PHLPP1: variants seen among roughly 807,000 people sequenced by gnomAD.
PHLPP1 encodes PH domain and leucine rich repeat protein phosphatase 1.
A neutral mutation model predicts 117.2 loss-of-function variants in PHLPP1; 42 were observed. That is an observed-to-expected ratio of 0.36 (90% CI 0.28 to 0.46). PHLPP1 has a LOEUF of 0.46. PHLPP1 is among the 20% of genes least tolerant of loss of function. PHLPP1 has a pLI of 1.00. For synonymous variants in PHLPP1, 1,042 were observed against 970.7 expected, an observed-to-expected ratio of 1.07 and a Z score of -1.37; for missense variants, 2,084 against 2,241.9, an observed-to-expected ratio of 0.93 and a Z score of 1.42.
At chr18:62,821,548 C>CAAAAAAAAAAAAAAAAAAAA (rs1568127680) in intron 1 of PHLPP1, among the ~76,000 whole-genome samples, 4 of 29,326 alleles carry the variant, frequency 1.4e-4, no homozygotes, top group Non-Finnish European at 1.9e-4. Flanking sequence ...GACCCTTTAT[C>CAAAAAAAAAAAAAAAAAAAA]CAAAAAAAAA....
At chr18:62,887,768 C>T (rs750108958) in intron 4 of PHLPP1, among the ~76,000 whole-genome samples, 21 of 151,896 alleles carry the variant, frequency 1.4e-4, no homozygotes, top group Non-Finnish European at 2.8e-4. Context: ...GGTAGAGTCT[C>T]ACTGTATTGC....
rs532043373 is a variant in PHLPP1 at position 62,833,907 on chromosome 18, T to G, written c.1773+3676T>G. Among the ~76,000 whole-genome samples the G allele has an allele frequency of 4.6e-5, 7 of 152,348 alleles. No homozygotes were observed. In the South Asian group the frequency reaches 1.4e-3, roughly 32 times the overall value. On this transcript the variant is annotated intron_variant, in intron 2 of 16. Coordinates refer to ENST00000262719, the MANE Select transcript of PHLPP1 (RefSeq NM_194449.4). The stretch of plus-strand genomic sequence containing the variant: ...AAGTACCTTTTCTAAGACAGTAGTT[T>G]GCGAGTGGAGTTACTATGCTGAAGG...
At chr18:62,898,807 A>G (rs1054413378) in intron 6 of PHLPP1, among the ~76,000 whole-genome samples, 1 of 151,626 alleles carries the variant, frequency 6.6e-6, no homozygotes, top group Non-Finnish European at 1.5e-5. Context: ...TATTATTATT[A>G]TTATTATTTT....
chr18:62,913,368 A>G (rs911797895), intron 8 of PHLPP1, among the ~76,000 whole-genome samples: 1 of 152,230 alleles, frequency 6.6e-6, no homozygotes, highest in African/African-American at 2.4e-5. Context: ...TTATACAGAC[A>G]CTAAGCAGAA....
chr18:62,759,153 G>A (rs1038282553), intron 1 of PHLPP1, among the ~76,000 whole-genome samples: 7 of 152,270 alleles, frequency 4.6e-5, no homozygotes, highest in Admixed American at 2.6e-4. Context: ...GGTGGGATCC[G>A]TATCAAGGGT....
At chr18:62,888,117 G>A (rs71353367) in intron 4 of PHLPP1, among the ~76,000 whole-genome samples, 1 of 152,134 alleles carries the variant, frequency 6.6e-6, no homozygotes, top group Non-Finnish European at 1.5e-5. Context: ...ACTGTAGTTA[G>A]TACAATCATC....
intron 13 of PHLPP1, 130 bp from the exon 14 acceptor site, chr18:62,963,238 C>T (rs1910815631): frequency 1.6e-6 from 1 of 607,470 alleles, no homozygotes; most frequent in Non-Finnish European, 2.9e-6. Context: ...ATTTCAGACA[C>T]ATTAAACGCA....
chr18:62,874,069 A>G (rs1915974621), intron 4 of PHLPP1, among the ~76,000 whole-genome samples: 1 of 151,698 alleles, frequency 6.6e-6, no homozygotes, highest in Non-Finnish European at 1.5e-5. Flanking sequence ...CTGTAATCCC[A>G]GCTACTCGTG....
At chr18:62,893,306 A>G (rs1282115997) in intron 4 of PHLPP1, among the ~76,000 whole-genome samples, 1 of 152,176 alleles carries the variant, frequency 6.6e-6, no homozygotes, top group Non-Finnish European at 1.5e-5. Context: ...CGGCCTCCCA[A>G]AGTGCTGGGA....
At chr18:62,831,341 TC>T (rs1914751501) in intron 2 of PHLPP1, among the ~76,000 whole-genome samples, 1 of 142,220 alleles carries the variant, frequency 7.0e-6, no homozygotes, top group African/African-American at 2.9e-5. Context: ...TTTTTCTTTT[TC>T]TTTTTTTTTT....
intron 2 of PHLPP1, among the ~76,000 whole-genome samples, chr18:62,835,906 G>T (rs1339616971): frequency 2.0e-5 from 3 of 148,540 alleles, no homozygotes; most frequent in Non-Finnish European, 4.4e-5. Flanking sequence ...TCAGCCTCCT[G>T]AGTACCTGGG....
intron 10 of PHLPP1, among the ~76,000 whole-genome samples, chr18:62,929,584 G>A (rs1485305514): frequency 1.3e-5 from 2 of 152,124 alleles, no homozygotes; most frequent in African/African-American, 4.8e-5. Flanking sequence ...ATATATAAAT[G>A]TAGATTTGAG....
At chr18:62,811,254 A>G (rs915776758) in intron 1 of PHLPP1, among the ~76,000 whole-genome samples, 2 of 152,194 alleles carry the variant, frequency 1.3e-5, no homozygotes, top group African/African-American at 4.8e-5. Flanking sequence ...AATTCATGCT[A>G]TTTGACCTAG....
At chr18:62,822,698 A>C (rs970426627) in intron 1 of PHLPP1, among the ~76,000 whole-genome samples, 3 of 152,206 alleles carry the variant, frequency 2.0e-5, no homozygotes, top group African/African-American at 7.2e-5. Context: ...GAGATAAGCA[A>C]AATAAATAAA....
chr18:62,972,363 A>G (rs1428190562), intron 14 of PHLPP1, 151 bp from the exon 15 acceptor site: 1 of 603,388 alleles, frequency 1.7e-6, no homozygotes, highest in Non-Finnish European at 2.8e-6. Context: ...GCTGTTGGAA[A>G]TTAGCTGGAG....
chr18:62,799,952 G>T (rs922691754), intron 1 of PHLPP1, among the ~76,000 whole-genome samples: 1 of 152,172 alleles, frequency 6.6e-6, no homozygotes, highest in African/African-American at 2.4e-5. Context: ...GAACTGCAAG[G>T]TTTAGTGTAG....
intron 6 of PHLPP1, among the ~76,000 whole-genome samples, chr18:62,900,743 C>T (rs944516126): frequency 2.6e-5 from 4 of 152,090 alleles, no homozygotes; most frequent in African/African-American, 9.7e-5. Flanking sequence ...TGAGCTACCA[C>T]ACCCTGCCAT....
At chr18:62,829,204 A>G (rs1275518386) in intron 1 of PHLPP1, among the ~76,000 whole-genome samples, 2 of 152,210 alleles carry the variant, frequency 1.3e-5, no homozygotes, top group Non-Finnish European at 2.9e-5. Flanking sequence ...ATAGGAAATA[A>G]TAGTGTTTTT....
In PHLPP1 at chr18:62,903,060, T is replaced by G; in HGVS notation, c.2541T>G (p.Asp847Glu). 6.2e-7 allele frequency: 1 copy of G among 1,613,100 alleles called. No individual in the cohort carries two copies. Among genetic ancestry groups the G allele is most frequent in the South Asian group, 1.1e-5 (1 of 91,062 alleles). The stretch of plus-strand genomic sequence containing the variant: ...GAGACAATAAGCTTGGTGATCTAGA[T>G]GCTATGATTTTCAACAACATTGAAG... ...DLRDNKLGDL[D>E]AMIFNNIEVL... is the part of the protein sequence containing the mutation. The change falls in exon 7 of 17, where the codon GAT becomes GAG. Residue 847 changes from aspartate (D) to glutamate (E), a missense_variant. This residue lies in a region of PHLPP1 where 1,365 missense variants were observed against 1,605.9 expected (regional missense o/e 0.85). Transcript: ENST00000262719.
Sources: allele counts gnomAD v4.1 joint callset (sites outside exome capture counted in the v4.1 genomes callset), GRCh38; gene constraint gnomAD v4.1.1; regional missense constraint gnomAD v4.1.1; transcripts MANE v1.5; gene names NCBI Gene and HGNC (gene_info 2026-07-23, HGNC 2026-07-21).